Variants in SGCG observed in about 807,000 individuals in gnomAD.
SGCG encodes the protein gamma-sarcoglycan.
SGCG carries 26 observed loss-of-function variants against 29.3 expected under a neutral mutation model. That is an observed-to-expected ratio of 0.89 (90% CI 0.65 to 1.23). SGCG has a LOEUF of 1.23. SGCG is among the 50% of genes most tolerant of loss of function. The pLI, the probability that SGCG is intolerant of heterozygous loss-of-function variation, is 0.00. For synonymous variants in SGCG, 145 were observed against 129.7 expected, an observed-to-expected ratio of 1.12 and a Z score of -0.80; for missense variants, 353 against 356.0, an observed-to-expected ratio of 0.99 and a Z score of 0.07.
In SGCG at chr13:23,285,353, G is replaced by A. The variant is rs138892653; in HGVS notation, c.505+5875G>A. Among the ~76,000 whole-genome samples, 1,174 of 152,214 alleles carry A rather than the reference G, an allele frequency of 7.7e-3. 18 individuals are homozygous for A. Among genetic ancestry groups the A allele is most frequent in the African/African-American group, 0.026 (1,084 of 41,518 alleles). On this transcript the variant is annotated intron_variant, in intron 5 of 7. Coordinates refer to ENST00000218867, the MANE Select transcript of SGCG (RefSeq NM_000231.3). ...GCTGTCTGGCTACAGCAGCTTTGTCGAGGCTCGGTGGGGATCCACCTAGGT... is the reference window on the plus strand; with the variant it reads ...GCTGTCTGGCTACAGCAGCTTTGTCAAGGCTCGGTGGGGATCCACCTAGGT...
chr13:23,258,279 A>G (rs2137581340), intron 4 of SGCG, among the ~76,000 whole-genome samples: 1 of 152,148 alleles, frequency 6.6e-6, no homozygotes, highest in Middle Eastern at 3.4e-3. Flanking sequence ...TGTAAGTTGT[A>G]TTCCTAGGTA....
At chr13:23,299,652 C>T (rs1882072913) in intron 6 of SGCG, among the ~76,000 whole-genome samples, 1 of 151,072 alleles carries the variant, frequency 6.6e-6, no homozygotes, top group Admixed American at 6.6e-5. Context: ...TGGGGTTTCA[C>T]TGTGTTAGCC....
intron 4 of SGCG, among the ~76,000 whole-genome samples, chr13:23,273,486 G>A (rs1880945149): frequency 1.3e-5 from 2 of 152,122 alleles, no homozygotes; most frequent in African/African-American, 4.8e-5. Flanking sequence ...CGCCCAGCCA[G>A]TTGATATTTT....
intron 7 of SGCG, among the ~76,000 whole-genome samples, chr13:23,322,248 C>T (rs1883064408): frequency 6.6e-6 from 1 of 152,146 alleles, no homozygotes; most frequent in Non-Finnish European, 1.5e-5. Flanking sequence ...AGGGATGGCA[C>T]CACGTCCAAA....
At chr13:23,248,912 A>AC (rs1370987999) in intron 3 of SGCG, among the ~76,000 whole-genome samples, 2 of 145,134 alleles carry the variant, frequency 1.4e-5, no homozygotes, top group Non-Finnish European at 3.0e-5. Flanking sequence ...AATGGCGTGA[A>AC]CCCGGGAGGC....
chr13:23,216,479 A>C (rs1242428153), intron 2 of SGCG, among the ~76,000 whole-genome samples: 1 of 152,136 alleles, frequency 6.6e-6, no homozygotes, highest in Non-Finnish European at 1.5e-5. Flanking sequence ...AAATTACTGA[A>C]GGGTTTGCAG....
chr13:23,265,944 TC>T (rs1333934071), intron 4 of SGCG, among the ~76,000 whole-genome samples: 2 of 152,104 alleles, frequency 1.3e-5, no homozygotes, highest in Non-Finnish European at 2.9e-5. Flanking sequence ...AGTCATTATA[TC>T]AAAAAGACAC....
At chr13:23,220,407 A>C (rs1878612218) in intron 2 of SGCG, among the ~76,000 whole-genome samples, 1 of 152,134 alleles carries the variant, frequency 6.6e-6, no homozygotes, top group African/African-American at 2.4e-5. Context: ...CCGAAATCGC[A>C]CCATTGCGCT....
intron 1 of SGCG, among the ~76,000 whole-genome samples, chr13:23,199,252 ATTAT>A (rs1195843741): frequency 1.3e-5 from 2 of 152,258 alleles, no homozygotes; most frequent in Admixed American, 6.5e-5. Context: ...AAAAATTAGA[ATTAT>A]TTATCTTGGA....
chr13:23,174,391 G>C, the SGCG span, among the ~76,000 whole-genome samples: 1 of 152,016 alleles, frequency 6.6e-6, no homozygotes, highest in East Asian at 1.9e-4. Flanking sequence ...CGAAAAGGAA[G>C]ATAGTTAAAA....
intron 2 of SGCG, among the ~76,000 whole-genome samples, chr13:23,212,865 A>G (rs149143748): frequency 2.6e-5 from 4 of 152,038 alleles, no homozygotes; most frequent in Non-Finnish European, 4.4e-5. Context: ...TTTAAATTAC[A>G]CTCAGGGAAT....
chr13:23,191,406 T>G (rs1877243428), intron 1 of SGCG, among the ~76,000 whole-genome samples: 1 of 152,248 alleles, frequency 6.6e-6, no homozygotes, highest in African/African-American at 2.4e-5. Context: ...AGGTATCGGG[T>G]GCAGGGGTCA....
At chr13:23,303,124 T>G (rs1882229289) in intron 6 of SGCG, among the ~76,000 whole-genome samples, 1 of 152,216 alleles carries the variant, frequency 6.6e-6, no homozygotes, top group Non-Finnish European at 1.5e-5. Flanking sequence ...CCCTTGCACA[T>G]TACCCCTGGA....
chr13:23,263,150 T>A (rs1880509449), intron 4 of SGCG, among the ~76,000 whole-genome samples: 1 of 123,536 alleles, frequency 8.1e-6, no homozygotes, highest in Non-Finnish European at 1.7e-5. Flanking sequence ...ATAACAAAGA[T>A]CAGAGCAGAA....
At chr13:23,176,039 G>T (rs1876546331), upstream of SGCG, among the ~76,000 whole-genome samples, 1 of 152,088 alleles carries the variant, frequency 6.6e-6, no homozygotes, top group Non-Finnish European at 1.5e-5. Context: ...GCAAATAATT[G>T]ACATAGTATT....
intron 4 of SGCG, among the ~76,000 whole-genome samples, chr13:23,259,646 T>C (rs1390930094): frequency 6.6e-6 from 1 of 152,244 alleles, no homozygotes; most frequent in Admixed American, 6.5e-5. Flanking sequence ...AGGGTGTTAA[T>C]TTTAGATCTT....
intron 1 of SGCG, among the ~76,000 whole-genome samples, chr13:23,186,272 G>A (rs533828065): frequency 6.6e-6 from 1 of 152,178 alleles, no homozygotes; most frequent in Non-Finnish European, 1.5e-5. Context: ...TCTCAAAATG[G>A]CCAGAGGAAT....
intron 6 of SGCG, among the ~76,000 whole-genome samples, chr13:23,311,317 T>TTC (rs762394005): frequency 6.6e-6 from 1 of 152,254 alleles, no homozygotes; most frequent in Non-Finnish European, 1.5e-5. Flanking sequence ...TATACTTGAG[T>TTC]ATCAGTGAAC....
chr13:23,210,357 A>C (rs1256321617), intron 2 of SGCG, among the ~76,000 whole-genome samples: 1 of 152,168 alleles, frequency 6.6e-6, no homozygotes. Context: ...TGTGTTTAAA[A>C]GACTGTCTTT....
Sources: gnomAD v4.1 joint callset for allele counts (sites outside exome capture counted in the v4.1 genomes callset) on GRCh38, gnomAD v4.1.1 for gene constraint, MANE v1.5 for transcripts, NCBI Gene and HGNC (gene_info 2026-07-23, HGNC 2026-07-21) for gene names.